The following TET3 variants were observed in gnomAD, a reference collection of about 807,000 sequenced individuals.
TET3 encodes methylcytosine dioxygenase TET3.
A neutral mutation model predicts 141.4 loss-of-function variants in TET3; 19 were observed. That is an observed-to-expected ratio of 0.13 (90% CI 0.09 to 0.20). The LOEUF (loss-of-function observed/expected upper bound fraction) is 0.20, where lower values mean the gene tolerates loss of function less well. Among genes scored for constraint, TET3 ranks in the 10% least tolerant of loss-of-function variants. TET3 has a pLI of 1.00. For synonymous variants in TET3, 1,043 were observed against 980.9 expected (o/e 1.06, Z -1.18); for missense variants, 1,874 against 2,356.9 (o/e 0.80, Z 4.24).
chr2:74,061,392 G>A lies in TET3; in HGVS notation c.2495-12157G>A, dbSNP rs1311007193. On this transcript the variant is annotated intron_variant, in intron 4 of 11. Coordinates refer to ENST00000409262, the MANE Select transcript of TET3 (RefSeq NM_001287491.2). ...GGGCTGACCCCCCCACCTCCCTCCC[G>A]GACGGGGCGGCTGGCAGGGCGGGGG... Among the ~76,000 whole-genome samples, 125 of 134,170 alleles carry A rather than the reference G, an allele frequency of 9.3e-4. 1 individual carries two copies. The highest frequency in any genetic ancestry group is 3.2e-3 in the African/African-American group (113 of 35,496). The allele number at this position is 134,170 out of a possible 152,430, so 88.0% of individuals were successfully genotyped here.
chr2:74,042,570 C>CT (rs1419058211), intron 3 of TET3, among the ~76,000 whole-genome samples: 4 of 152,202 alleles, frequency 2.6e-5, no homozygotes, highest in Non-Finnish European at 5.9e-5. Context: ...AAGCTCTCAC[C>CT]TTTGTGACCT....
intron 4 of TET3, among the ~76,000 whole-genome samples, chr2:74,072,831 A>G (rs1266663948): frequency 6.6e-6 from 1 of 152,204 alleles, no homozygotes; most frequent in Non-Finnish European, 1.5e-5. Flanking sequence ...AATTCATATC[A>G]GGGAAATCCT....
intron 2 of TET3, chr2:74,002,780 G>C (rs1245707701): frequency 1.9e-6 from 1 of 538,998 alleles, no homozygotes; most frequent in Non-Finnish European, 3.3e-6. Flanking sequence ...GCCGGCCGAT[G>C]CACCAGAGGA....
At chr2:74,118,252 G>A in the TET3 span, among the ~76,000 whole-genome samples, 5 of 152,180 alleles carry the variant, frequency 3.3e-5, no homozygotes, top group African/African-American at 9.7e-5. Flanking sequence ...CCCACACGTA[G>A]TGCCTCTAGT....
chr2:74,082,752 AAG>A, intron 6 of TET3, among the ~76,000 whole-genome samples: 1 of 152,154 alleles, frequency 6.6e-6, no homozygotes, highest in East Asian at 1.9e-4. Flanking sequence ...GCTTGGTTTA[AAG>A]AGTTCCACCT....
chr2:74,022,411 G>A (rs547185262), intron 3 of TET3, among the ~76,000 whole-genome samples: 1 of 150,458 alleles, frequency 6.6e-6, no homozygotes, highest in African/African-American at 2.4e-5. Context: ...ATGTTTGGGG[G>A]GTTTTTTGTT....
chr2:74,023,416 T>C (rs1686165942), intron 3 of TET3, among the ~76,000 whole-genome samples: 1 of 152,156 alleles, frequency 6.6e-6, no homozygotes, highest in African/African-American at 2.4e-5. Flanking sequence ...CTAATTTTTC[T>C]ATTTTTCGTA....
chr2:74,074,924 T>C lies in TET3; in HGVS notation c.2585+1285T>C, dbSNP rs886551664. On this transcript the variant is annotated intron_variant, in intron 5 of 11. Transcript: ENST00000409262. ...AGTCGTGCTGTCACCCAGGCTGGAG[T>C]ACAGTGGCACAATCTCAGCTCACTG... Among the ~76,000 whole-genome samples the C allele has an allele frequency of 5.3e-5, 8 of 152,040 alleles. 1 individual carries two copies. The highest frequency in any genetic ancestry group is 5.2e-4 in the Admixed American group (8 of 15,278).
chr2:74,065,598 C>T (rs1481793213), intron 4 of TET3, among the ~76,000 whole-genome samples: 1 of 132,744 alleles, frequency 7.5e-6, no homozygotes, highest in Non-Finnish European at 1.6e-5. Context: ...GTCCGTCCTT[C>T]CTTCCGTCCG....
At chr2:74,108,640 A>G (rs1318187106), downstream of TET3, among the ~76,000 whole-genome samples, 2 of 152,174 alleles carry the variant, frequency 1.3e-5, no homozygotes, top group Non-Finnish European at 2.9e-5. Flanking sequence ...GGTTTCCCGC[A>G]AGATCCCATG....
chr2:73,993,486 G>A (rs1473618671), intron 2 of TET3: 1 of 152,292 alleles, frequency 6.6e-6, no homozygotes, highest in Non-Finnish European at 1.5e-5. Context: ...TCTATGACCA[G>A]AAGGGAATGG....
intron 4 of TET3, among the ~76,000 whole-genome samples, chr2:74,072,043 T>C (rs183035518): frequency 1.2e-3 from 182 of 152,344 alleles, no homozygotes; most frequent in African/African-American, 4.1e-3. Context: ...AATATTTTCA[T>C]GATTCCAAAA....
At chr2:74,031,628 CA>C (rs746066984) in intron 3 of TET3, among the ~76,000 whole-genome samples, 3 of 152,190 alleles carry the variant, frequency 2.0e-5, no homozygotes, top group Non-Finnish European at 4.4e-5. Flanking sequence ...TGGACAGCAG[CA>C]GGCTTCCCTA....
chr2:74,093,421 G>T lies in TET3; in HGVS notation c.3130-108G>T. On this transcript the variant is annotated intron_variant, in intron 9 of 11. Coordinates refer to ENST00000409262, the MANE Select transcript of TET3 (RefSeq NM_001287491.2). This position sits in a 1 kb window ranked among gnomAD's most constrained non-coding sequence, Gnocchi z 4.2. Reference sequence around the variant, plus strand: ...CCCTCCTGCAGTCGAAGGGCAAGGTGACTATCATCCTTAACATCCCTCCTT... The same window carrying T: ...CCCTCCTGCAGTCGAAGGGCAAGGTTACTATCATCCTTAACATCCCTCCTT... The T allele has an allele frequency of 7.1e-7, 1 of 1,407,932 alleles. No homozygotes were observed. 87.2% of individuals were successfully genotyped at this position (1,407,932 alleles called of 1,614,324 possible).
chr2:74,127,692 A>AG, the TET3 span, among the ~76,000 whole-genome samples: 1 of 141,924 alleles, frequency 7.0e-6, no homozygotes, highest in Non-Finnish European at 1.6e-5. Context: ...TTATTCTGTG[A>AG]GGTTTTTTTT....
At chr2:74,088,063 C>T in intron 7 of TET3, 25 bp downstream of exon 7, 1 of 1,549,792 alleles carries the variant, frequency 6.5e-7, no homozygotes, top group African/African-American at 1.4e-5. Flanking sequence ...GCTTCAGGGC[C>T]AGGGCCCACC....
rs1014620112 is a variant in TET3, at chr2:74,104,636, G to A, written c.*2460G>A. On this transcript the variant is annotated 3_prime_UTR_variant, in exon 12 of 12. Coordinates refer to ENST00000409262, the MANE Select transcript of TET3 (RefSeq NM_001287491.2). The stretch of plus-strand genomic sequence containing the variant: ...CCCCAGGTTGGCTGTTGGTTTGGAA[G>A]GTCCCGAGTGTAACCCAGGTGATTC... The A allele has an allele frequency of 6.6e-6, 1 of 152,350 alleles. No individual in the cohort carries two copies. The highest frequency in any genetic ancestry group is 2.1e-4 in the South Asian group (1 of 4,838). The allele number at this position is 152,350 out of a possible 1,614,324, so 9.4% of individuals were successfully genotyped here.
intron 4 of TET3, among the ~76,000 whole-genome samples, chr2:74,054,342 C>T (rs1418525262): frequency 6.6e-6 from 1 of 152,156 alleles, no homozygotes; most frequent in Non-Finnish European, 1.5e-5. Flanking sequence ...TTAACTGCTC[C>T]AGTGACTGGT....
At chr2:74,135,462 T>G in the TET3 span, 2 of 1,315,378 alleles carry the variant, frequency 1.5e-6, no homozygotes, top group Admixed American at 1.7e-5. Context: ...ATTATACATC[T>G]TCTATAATTA....
Sources: gnomAD v4.1 joint callset for allele counts (sites outside exome capture counted in the v4.1 genomes callset) on GRCh38, gnomAD v4.1.1 for gene constraint, Gnocchi (gnomAD v3.1) non-coding constraint, MANE v1.5 for transcripts, NCBI Gene and HGNC (gene_info 2026-07-23, HGNC 2026-07-21) for gene names.